RNFT2: variants seen among roughly 807,000 people sequenced by gnomAD.
RNFT2 encodes E3 ubiquitin-protein ligase RNFT2.
A neutral mutation model predicts 53.0 loss-of-function variants in RNFT2; 36 were observed. The observed-to-expected ratio is 0.68, with a 90% CI of 0.52 to 0.90. The LOEUF (loss-of-function observed/expected upper bound fraction) is 0.90, where lower values mean the gene tolerates loss of function less well. Among genes scored for constraint, RNFT2 ranks in the 40% least tolerant of loss-of-function variants. The probability of loss-of-function intolerance (pLI) is 0.00; values close to 1 mark genes in which losing one functional copy is unlikely to be tolerated. For synonymous variants in RNFT2, 260 were observed against 253.2 expected (o/e 1.03, Z -0.26); for missense variants, 514 against 585.6 (o/e 0.88, Z 1.26).
At chr12:116,810,176 G>A (rs529903253) in intron 7 of RNFT2, among the ~76,000 whole-genome samples, 1 of 152,240 alleles carries the variant, frequency 6.6e-6, no homozygotes, top group African/African-American at 2.4e-5. Flanking sequence ...GGTGTTGCAG[G>A]CAAGGAAGCA....
intron 7 of RNFT2, among the ~76,000 whole-genome samples, chr12:116,809,287 C>T (rs373077323): frequency 5.9e-5 from 9 of 152,292 alleles, no homozygotes; most frequent in East Asian, 1.9e-4. Context: ...CGTTTGAACT[C>T]GATTCCTGGT....
At chr12:116,788,169 C>T (rs1008006477) in intron 7 of RNFT2, among the ~76,000 whole-genome samples, 7 of 152,212 alleles carry the variant, frequency 4.6e-5, no homozygotes, top group South Asian at 4.1e-4. Flanking sequence ...TCAGGTGATC[C>T]GCCTGCTTTG....
Position 116,850,102 on chromosome 12 carries a change from C to T in RNFT2, c.*654C>T, listed in dbSNP as rs1052132658. 2.0e-5 allele frequency: 3 copies of T among 150,628 alleles called. No individual in the cohort carries two copies. Among genetic ancestry groups the T allele is most frequent in the Admixed American group, 1.3e-4 (2 of 14,996 alleles). The allele number at this position is 150,628 out of a possible 1,614,324, so 9.3% of individuals were successfully genotyped here. On this transcript the variant is annotated 3_prime_UTR_variant, in exon 11 of 11. Transcript: ENST00000257575. ...TCAAATGATCAGCTCGCCTCAGCCTCACGAAGTGCTGGGATTACAGGCATG... is the reference window on the plus strand; with the variant it reads ...TCAAATGATCAGCTCGCCTCAGCCTTACGAAGTGCTGGGATTACAGGCATG...
At chr12:116,848,771 C>A (rs1320944962) in intron 10 of RNFT2, among the ~76,000 whole-genome samples, 1 of 151,892 alleles carries the variant, frequency 6.6e-6, no homozygotes, top group Non-Finnish European at 1.5e-5. Flanking sequence ...CGTCCCAACC[C>A]GCCCAAGCCC....
chr12:116,740,428 A>G lies in RNFT2; in HGVS notation c.-70A>G, dbSNP rs1871551984. 2 of 1,477,952 alleles carry G rather than the reference A, an allele frequency of 1.4e-6. No individual in the cohort carries two copies. The highest frequency in any genetic ancestry group is 2.4e-5 in the South Asian group (2 of 82,744). 91.6% of individuals were successfully genotyped at this position (1,477,952 alleles called of 1,614,324 possible). ...GGGAGGCCTGTCCTCTCTGGGATCC[A>G]TTGGTCACATCCCCCTGAGGATTCC... is the stretch of plus-strand genomic sequence containing the variant. On this transcript the variant is annotated 5_prime_UTR_variant, in exon 2 of 11. Coordinates refer to ENST00000257575, the MANE Select transcript of RNFT2 (RefSeq NM_001382266.1).
intron 7 of RNFT2, among the ~76,000 whole-genome samples, chr12:116,818,339 C>G (rs542470844): frequency 9.4e-5 from 14 of 148,782 alleles, no homozygotes; most frequent in Admixed American, 2.7e-4. Context: ...AAAAAAAATC[C>G]GCTTTTTCGT....
At chr12:116,792,718 C>T (rs1030253309) in intron 7 of RNFT2, among the ~76,000 whole-genome samples, 6 of 152,070 alleles carry the variant, frequency 3.9e-5, no homozygotes, top group Non-Finnish European at 7.3e-5. Context: ...AGTGCTCTCC[C>T]GAATCCTCAT....
At chr12:116,818,343 T>C (rs922802181) in intron 7 of RNFT2, among the ~76,000 whole-genome samples, 43 of 151,072 alleles carry the variant, frequency 2.8e-4, no homozygotes, top group Non-Finnish European at 5.7e-4. Flanking sequence ...AAAATCCGCT[T>C]TTTCGTCTGC....
At chr12:116,847,576 G>A (rs1286156423) in intron 10 of RNFT2, among the ~76,000 whole-genome samples, 1 of 150,036 alleles carries the variant, frequency 6.7e-6, no homozygotes, top group African/African-American at 2.4e-5. Flanking sequence ...TGCCCAGGCT[G>A]GAACACAATG....
intron 10 of RNFT2, among the ~76,000 whole-genome samples, chr12:116,847,380 T>C (rs986263056): frequency 2.0e-5 from 3 of 152,088 alleles, no homozygotes; most frequent in Admixed American, 1.3e-4. Flanking sequence ...TTTTAACATG[T>C]TAATTAATCT....
intron 7 of RNFT2, among the ~76,000 whole-genome samples, chr12:116,819,404 G>A (rs763290339): frequency 6.6e-5 from 10 of 152,090 alleles, no homozygotes; most frequent in Non-Finnish European, 1.3e-4. Flanking sequence ...GGGGCGGCCC[G>A]GGGCGCGGGG....
intron 10 of RNFT2, among the ~76,000 whole-genome samples, chr12:116,844,065 G>A (rs547189771): frequency 6.6e-6 from 1 of 152,270 alleles, no homozygotes; most frequent in Non-Finnish European, 1.5e-5. Flanking sequence ...GGGTCTGTGA[G>A]GTCAAAACCA....
intron 3 of RNFT2, among the ~76,000 whole-genome samples, chr12:116,746,769 G>A (rs989724655): frequency 1.3e-5 from 2 of 152,148 alleles, no homozygotes; most frequent in African/African-American, 4.8e-5. Flanking sequence ...AATGATATTT[G>A]TACCTGTCTA....
chr12:116,845,233 G>A (rs1305338360), intron 10 of RNFT2, among the ~76,000 whole-genome samples: 1 of 97,608 alleles, frequency 1.0e-5, no homozygotes, highest in East Asian at 2.9e-4. Context: ...GACAGAGCAA[G>A]ACCCGGTTTC....
intron 5 of RNFT2, among the ~76,000 whole-genome samples, chr12:116,764,573 G>A (rs1872830593): frequency 6.6e-6 from 1 of 152,154 alleles, no homozygotes. Flanking sequence ...TCTTCTTTAT[G>A]CAAACTCCTT....
At chr12:116,751,772 G>A (rs1482817641) in intron 4 of RNFT2, among the ~76,000 whole-genome samples, 3 of 150,450 alleles carry the variant, frequency 2.0e-5, no homozygotes, top group African/African-American at 4.9e-5. Context: ...TTTTGTTTTT[G>A]TTTTTGAGAT....
intron 5 of RNFT2, among the ~76,000 whole-genome samples, chr12:116,756,709 A>G (rs1223141352): frequency 6.6e-6 from 1 of 152,008 alleles, no homozygotes; most frequent in Non-Finnish European, 1.5e-5. Flanking sequence ...TCTTTTTGGT[A>G]ATTTGTTGGA....
chr12:116,845,633 A>C (rs1358473120), intron 10 of RNFT2, among the ~76,000 whole-genome samples: 1 of 152,126 alleles, frequency 6.6e-6, no homozygotes, highest in Non-Finnish European at 1.5e-5. Context: ...CCAGGGTGTG[A>C]GGATGGGGCT....
intron 6 of RNFT2, among the ~76,000 whole-genome samples, chr12:116,777,398 T>C (rs1348443894): frequency 6.6e-6 from 1 of 152,172 alleles, no homozygotes; most frequent in East Asian, 1.9e-4. Context: ...CTCAAAGTGT[T>C]GTCTCTTCAC....
Sources: allele counts gnomAD v4.1 joint callset (sites outside exome capture counted in the v4.1 genomes callset), GRCh38; gene constraint gnomAD v4.1.1; transcripts MANE v1.5; gene names NCBI Gene and HGNC (gene_info 2026-07-23, HGNC 2026-07-21).